ATP2B2: variants seen among roughly 807,000 people sequenced by gnomAD.
The protein encoded by ATP2B2 is ATPase plasma membrane Ca2+ transporting 2.
ATP2B2 carries 15 observed loss-of-function variants against 120.0 expected under a neutral mutation model. The ratio of observed to expected loss-of-function variants is 0.12; its 90% CI spans 0.08 to 0.19. ATP2B2 has a LOEUF of 0.19. Among genes scored for constraint, ATP2B2 ranks in the 10% least tolerant of loss-of-function variants. ATP2B2 has a pLI of 1.00. For synonymous variants in ATP2B2, 694 were observed against 700.3 expected (o/e 0.99, Z 0.14); for missense variants, 1,045 against 1,719.8 (o/e 0.61, Z 6.94).
chr3:10,657,211 C>T (rs753411773), intron 1 of ATP2B2, among the ~76,000 whole-genome samples: 47 of 152,300 alleles, frequency 3.1e-4, no homozygotes, highest in Non-Finnish European at 4.9e-4. Flanking sequence ...GGCTGGAAGA[C>T]GGGGTCACAG....
At chr3:10,466,330 G>A (rs565017758) in intron 1 of ATP2B2, among the ~76,000 whole-genome samples, 14 of 152,328 alleles carry the variant, frequency 9.2e-5, no homozygotes, top group African/African-American at 3.1e-4. Context: ...GCATAGATGC[G>A]TGTCTGTGCA....
chr3:10,664,882 G>GC (rs1432298225), intron 1 of ATP2B2, among the ~76,000 whole-genome samples: 1 of 152,044 alleles, frequency 6.6e-6, no homozygotes, highest in Non-Finnish European at 1.5e-5. Context: ...ACAAGCAACT[G>GC]CCCCCATGCC....
At chr3:10,333,345 T>A (rs187674) in intron 22 of ATP2B2, among the ~76,000 whole-genome samples, 18,286 of 151,852 alleles carry the variant, frequency 0.12, 1,347 homozygotes, top group East Asian at 0.37. Flanking sequence ...AGTTGTGGGG[T>A]AGTGGGGCGG....
chr3:10,686,043 CTTTTTTTTTTTTTT>C, intron 1 of ATP2B2, among the ~76,000 whole-genome samples: 1 of 93,214 alleles, frequency 1.1e-5, no homozygotes, highest in South Asian at 3.6e-4. Context: ...TTCCTCCTTT[CTTTTTTTTTTTTTT>C]TTTTTTTTTG....
intron 1 of ATP2B2, among the ~76,000 whole-genome samples, chr3:10,694,770 G>C (rs191260640): frequency 6.6e-6 from 1 of 152,088 alleles, no homozygotes. Context: ...AACACTTCTG[G>C]AAAACTCTTT....
At chr3:10,642,536 C>T (rs1049015780) in intron 1 of ATP2B2, among the ~76,000 whole-genome samples, 1 of 152,186 alleles carries the variant, frequency 6.6e-6, no homozygotes, top group Non-Finnish European at 1.5e-5. Context: ...TACACCCACA[C>T]ACGTACACAC....
Position 10,375,700 on chromosome 3 carries a change from G to A in ATP2B2, c.1202-56C>T, listed in dbSNP as rs1232127931. 1 of 1,526,092 alleles carries A rather than the reference G, an allele frequency of 6.6e-7. No individual in the cohort carries two copies. Among genetic ancestry groups the A allele is most frequent in the Non-Finnish European group, 9.0e-7 (1 of 1,107,346 alleles). 94.5% of individuals were successfully genotyped at this position (1,526,092 alleles called of 1,614,324 possible). A position where few individuals can be genotyped will look rare whatever the true frequency, so the allele number is the denominator to read the frequency against. Reference sequence around the variant, plus strand: ...TTCCAGGAAGTGGAGGCTGGGGGTGGTGTGGACCAAATCTTTGGCTGAAAG... The same window carrying A: ...TTCCAGGAAGTGGAGGCTGGGGGTGATGTGGACCAAATCTTTGGCTGAAAG... On this transcript the variant is annotated intron_variant, in intron 10 of 22. Coordinates refer to ENST00000360273, the MANE Select transcript of ATP2B2 (RefSeq NM_001001331.4). This position sits in a 1 kb window ranked among gnomAD's most constrained non-coding sequence, Gnocchi z 4.2.
chr3:10,615,589 G>A (rs958577368), intron 2 of ATP2B2, among the ~76,000 whole-genome samples: 5 of 152,154 alleles, frequency 3.3e-5, no homozygotes, highest in African/African-American at 1.2e-4. Flanking sequence ...AGGGACAGAA[G>A]GACCTTGAAG....
intron 2 of ATP2B2, among the ~76,000 whole-genome samples, chr3:10,417,957 C>T (rs891756257): frequency 7.9e-5 from 12 of 152,218 alleles, no homozygotes; most frequent in African/African-American, 2.7e-4. Context: ...CCTTTGTCCC[C>T]AGTGGCCAGG....
chr3:10,553,639 G>GC (rs1559455339), intron 2 of ATP2B2, among the ~76,000 whole-genome samples: 1 of 152,022 alleles, frequency 6.6e-6, no homozygotes, highest in Non-Finnish European at 1.5e-5. Context: ...GGATTGCAGA[G>GC]CTGGGGGGGA....
intron 2 of ATP2B2, among the ~76,000 whole-genome samples, chr3:10,558,010 G>C (rs1443092120): frequency 6.6e-6 from 1 of 152,160 alleles, no homozygotes; most frequent in East Asian, 1.9e-4. Context: ...GTAGAAATAA[G>C]GCAAGACAAG....
At chr3:10,474,358 G>A (rs1221158032) in intron 1 of ATP2B2, among the ~76,000 whole-genome samples, 1 of 152,168 alleles carries the variant, frequency 6.6e-6, no homozygotes, top group Non-Finnish European at 1.5e-5. Context: ...TGCATGAGTT[G>A]GGAGCTCAGA....
chr3:10,517,527 T>C (rs766360055), intron 3 of ATP2B2, among the ~76,000 whole-genome samples: 6 of 152,212 alleles, frequency 3.9e-5, no homozygotes, highest in Non-Finnish European at 8.8e-5. Flanking sequence ...TATGGACTCA[T>C]TTAATGAATA....
chr3:10,606,937 AGGGAGAGGGAGAGG>A (rs879388213), intron 2 of ATP2B2, among the ~76,000 whole-genome samples: 4,847 of 73,874 alleles, frequency 0.066, 116 homozygotes, highest in South Asian at 0.17. Context: ...AGAGAGAGAG[AGGGAGAGGGAGAGG>A]GGGAGGGGGG....
At chr3:10,591,909 G>A (rs777590509) in intron 2 of ATP2B2, among the ~76,000 whole-genome samples, 5 of 152,180 alleles carry the variant, frequency 3.3e-5, no homozygotes, top group Non-Finnish European at 7.3e-5. Context: ...CACAGGGACT[G>A]AGACAAGATA....
At chr3:10,536,929 G>A (rs961377126) in intron 2 of ATP2B2, among the ~76,000 whole-genome samples, 1 of 152,226 alleles carries the variant, frequency 6.6e-6, no homozygotes, top group Non-Finnish European at 1.5e-5. Flanking sequence ...TTAGGTTGAA[G>A]TTATTATCAT....
chr3:10,688,012 A>T (rs1200603011), intron 1 of ATP2B2, among the ~76,000 whole-genome samples: 4 of 152,326 alleles, frequency 2.6e-5, no homozygotes, highest in African/African-American at 4.8e-5. Context: ...TATATATATA[A>T]AATACACACA....
In ATP2B2 at chr3:10,326,608, G is replaced by T; in HGVS notation, c.*2206C>A. The T allele has an allele frequency of 2.5e-6, 1 of 398,264 alleles. No homozygotes were observed. Among genetic ancestry groups the T allele is most frequent in the East Asian group, 3.6e-5 (1 of 28,082 alleles). 24.7% of individuals were successfully genotyped at this position (398,264 alleles called of 1,614,324 possible). A position where few individuals can be genotyped will look rare whatever the true frequency, so the allele number is the denominator to read the frequency against. Reference sequence around the variant, plus strand: ...TTTCCTTCCTTGTAGGAGAGCAGTGGGCTGGCTTTGGTGGCGTTTGTACTG... The same window carrying T: ...TTTCCTTCCTTGTAGGAGAGCAGTGTGCTGGCTTTGGTGGCGTTTGTACTG... On this transcript the variant is annotated 3_prime_UTR_variant, in exon 23 of 23. Transcript: ENST00000360273.
intron 1 of ATP2B2, among the ~76,000 whole-genome samples, chr3:10,499,488 G>C (rs2066293399): frequency 6.6e-6 from 1 of 152,230 alleles, no homozygotes; most frequent in South Asian, 2.1e-4. Context: ...CATTTGTAAA[G>C]TGCTTGCGGA....
Sources: allele counts gnomAD v4.1 joint callset (sites outside exome capture counted in the v4.1 genomes callset), GRCh38; gene constraint gnomAD v4.1.1; non-coding constraint Gnocchi (gnomAD v3.1); transcripts MANE v1.5; gene names NCBI Gene and HGNC (gene_info 2026-07-23, HGNC 2026-07-21).